CCDC34: variants seen among roughly 807,000 people sequenced by gnomAD.
CCDC34 encodes coiled-coil domain containing 34.
A neutral mutation model predicts 44.1 loss-of-function variants in CCDC34; 40 were observed. The observed-to-expected ratio is 0.91, with a 90% confidence interval of 0.70 to 1.18. The LOEUF is 1.18. CCDC34 is among the 50% of genes most tolerant of loss of function. The probability of loss-of-function intolerance (pLI) is 0.00; values close to 1 mark genes in which losing one functional copy is unlikely to be tolerated. For missense variants in CCDC34, 466 were observed against 452.3 expected (o/e 1.03, Z -0.28); for synonymous variants, 159 against 158.2 (o/e 1.01, Z -0.04).
At chr11:27,344,925 T>C (rs576289142) in intron 3 of CCDC34, among the ~76,000 whole-genome samples, 11 of 152,170 alleles carry the variant, frequency 7.2e-5, no homozygotes, top group Non-Finnish European at 1.5e-4. Context: ...ATTTACACTA[T>C]CTGATTTCAA....
At chr11:27,350,074 A>G (rs906940377) in intron 3 of CCDC34, 359 of 1,306,312 alleles carry the variant, frequency 2.7e-4, no homozygotes, top group Non-Finnish European at 3.4e-4. Flanking sequence ...CCAAAAGGTC[A>G]GGCCTAGAAA....
At chr11:27,353,268 G>GGGC (rs374023914) in intron 2 of CCDC34, among the ~76,000 whole-genome samples, 269 of 151,688 alleles carry the variant, frequency 1.8e-3, no homozygotes, top group African/African-American at 6.4e-3. Context: ...CGTTCGTTAA[G>GGGC]GGCTCATTAA....
At chr11:27,357,792 C>T (rs1429867826) in intron 1 of CCDC34, among the ~76,000 whole-genome samples, 1 of 152,140 alleles carries the variant, frequency 6.6e-6, no homozygotes, top group East Asian at 1.9e-4. Context: ...ATTTAAAACC[C>T]CATTGGGATA....
intron 2 of CCDC34, 117 bp downstream of exon 2, chr11:27,357,282 AAACT>A (rs1414089163): frequency 4.5e-6 from 4 of 893,964 alleles, no homozygotes; most frequent in Non-Finnish European, 6.5e-6. Context: ...TTGATATAGT[AAACT>A]AACATAAATG....
At chr11:27,347,800 T>A (rs1590325598) in intron 3 of CCDC34, among the ~76,000 whole-genome samples, 1 of 152,110 alleles carries the variant, frequency 6.6e-6, no homozygotes, top group East Asian at 1.9e-4. Context: ...ATGTTCTGTA[T>A]CTTTAATGGT....
chr11:27,341,491 T>C lies in CCDC34; in HGVS notation c.666A>G (p.Glu222=). 1 of 1,431,698 alleles carries C rather than the reference T, an allele frequency of 7.0e-7. No individual in the cohort carries two copies. Among genetic ancestry groups the C allele is most frequent in the Non-Finnish European group, 9.5e-7 (1 of 1,057,588 alleles). The allele number at this position is 1,431,698 out of a possible 1,614,324, so 88.7% of individuals were successfully genotyped here. Residue 222 remains glutamate (E), a synonymous_variant, in exon 4 of 6, where the codon GAA becomes GAG. Transcript: ENST00000328697. ...TTTCTTGCAAGTATTCTTTCTCCAG[T>C]TCCTTTGCTGCTTTTTCCTCCATTT... The part of the protein sequence containing the change: ...NKEMEEKAAK[E]LEKEYLQEKA...
chr11:27,340,373 G>A (rs1346162261), intron 5 of CCDC34, among the ~76,000 whole-genome samples: 2 of 152,054 alleles, frequency 1.3e-5, no homozygotes, highest in East Asian at 1.9e-4. Context: ...GAGGCAAAAC[G>A]ACCCCTTAAA....
At chr11:27,339,203 A>G (rs945081225) in intron 5 of CCDC34, among the ~76,000 whole-genome samples, 168 bp from the exon 6 acceptor site, 3 of 152,230 alleles carry the variant, frequency 2.0e-5, no homozygotes, top group African/African-American at 7.2e-5. Flanking sequence ...CAAATAAGTA[A>G]CACTTTCCAA....
At chr11:27,360,357 T>C (rs926436418) in intron 1 of CCDC34, among the ~76,000 whole-genome samples, 8 of 152,214 alleles carry the variant, frequency 5.3e-5, no homozygotes, top group African/African-American at 1.4e-4. Flanking sequence ...TGAAGGTCAA[T>C]GCATCCTCTA....
At chr11:27,346,394 C>CA (rs1241550255) in intron 3 of CCDC34, among the ~76,000 whole-genome samples, 36 of 82,552 alleles carry the variant, frequency 4.4e-4, no homozygotes, top group East Asian at 8.2e-4. Context: ...GACTCTGACT[C>CA]AAAAAAAAAG....
chr11:27,363,088 G>A lies in CCDC34; in HGVS notation c.107C>T (p.Pro36Leu). 6.2e-7 allele frequency: 1 copy of A among 1,609,890 alleles called. No homozygotes were observed. The highest frequency in any genetic ancestry group is 8.5e-7 in the Non-Finnish European group (1 of 1,177,940). Reference sequence around the variant, plus strand: ...CCCCTGCCCACGTGCGCCCGTCATAGGGACTGAGCAGGAGTCCGAGGAGGG... The same window carrying A: ...CCCCTGCCCACGTGCGCCCGTCATAAGGACTGAGCAGGAGTCCGAGGAGGG... ...SRPSSDSCSV[P>L]MTGARGQGLE... The change falls in exon 1 of 6, where the codon CCT becomes CTT. Residue 36 changes from proline (P) to leucine (L), a missense_variant. Coordinates refer to ENST00000328697, the MANE Select transcript of CCDC34 (RefSeq NM_030771.2).
At chr11:27,353,177 A>AT (rs1196680264) in intron 2 of CCDC34, among the ~76,000 whole-genome samples, 5 of 152,188 alleles carry the variant, frequency 3.3e-5, no homozygotes, top group African/African-American at 9.6e-5. Flanking sequence ...CTTTCAAATA[A>AT]TTTTTTACCA....
In CCDC34 at chr11:27,338,758, A is replaced by G; in HGVS notation, c.*63T>C. 3 of 1,411,872 alleles carry G rather than the reference A, an allele frequency of 2.1e-6. No individual in the cohort carries two copies. The highest frequency in any genetic ancestry group is 2.0e-6 in the Non-Finnish European group (2 of 1,011,332). The allele number at this position is 1,411,872 out of a possible 1,614,324, so 87.5% of individuals were successfully genotyped here. A position where few individuals can be genotyped will look rare whatever the true frequency, so the allele number is the denominator to read the frequency against. ...TGTTGAGTTATTGACTGAGCAGTAA[A>G]AAACAATTTCTGATTTTTAAATTAA... On this transcript the variant is annotated 3_prime_UTR_variant, in exon 6 of 6. Transcript: ENST00000328697.
At chr11:27,348,701 A>G (rs932796037) in intron 3 of CCDC34, among the ~76,000 whole-genome samples, 1 of 152,132 alleles carries the variant, frequency 6.6e-6, no homozygotes, top group African/African-American at 2.4e-5. Context: ...AGAGGAGAAA[A>G]AAGCTAGATG....
At chr11:27,362,792 G>C in intron 1 of CCDC34, 44 bp downstream of exon 1, 1 of 1,589,874 alleles carries the variant, frequency 6.3e-7, no homozygotes, top group Non-Finnish European at 8.6e-7. Context: ...AGGGTCTAAG[G>C]AATCTTGAAA....
In CCDC34 at chr11:27,350,365, C is replaced by T. The variant is rs1027160736; in HGVS notation, c.573G>A (p.Lys191=). 6.2e-7 allele frequency: 1 copy of T among 1,613,822 alleles called. No homozygotes were observed. Among genetic ancestry groups the T allele is most frequent in the Non-Finnish European group, 8.5e-7 (1 of 1,179,908 alleles). Residue 191 remains lysine, a synonymous_variant, in exon 3 of 6, where the codon AAG becomes AAA. Transcript: ENST00000328697. ...REKRKIIAEE[K]HKEWVQKKNE... is the part of the protein sequence containing the mutation. ...TCTTTTTCTGAACCCATTCCTTGTG[C>T]TTTTCTTCAGCAATTATCTTTCTTT...
chr11:27,357,299 A>C (rs1171427560), intron 2 of CCDC34, 104 bp downstream of exon 2: 24 of 1,130,806 alleles, frequency 2.1e-5, no homozygotes, highest in Non-Finnish European at 2.8e-5. Flanking sequence ...CATAAATGCA[A>C]AGACTTTGTT....
intron 2 of CCDC34, among the ~76,000 whole-genome samples, chr11:27,354,765 A>G (rs1342537634): frequency 6.6e-6 from 1 of 151,148 alleles, no homozygotes; most frequent in Non-Finnish European, 1.5e-5. Flanking sequence ...CTACTCAGGA[A>G]GCTGAAGTGG....
intron 3 of CCDC34, chr11:27,350,131 G>A: frequency 1.4e-6 from 2 of 1,442,520 alleles, no homozygotes; most frequent in Non-Finnish European, 1.8e-6. Flanking sequence ...GCAAGCCACA[G>A]GAGGGAAAAA....
Sources: gnomAD v4.1 joint callset for allele counts (sites outside exome capture counted in the v4.1 genomes callset) on GRCh38, gnomAD v4.1.1 for gene constraint, MANE v1.5 for transcripts, NCBI Gene and HGNC (gene_info 2026-07-23, HGNC 2026-07-21) for gene names.